RNF150: variants seen among roughly 807,000 people sequenced by gnomAD.
RNF150 encodes ring finger protein 150.
Under a neutral mutation model 39.3 loss-of-function variants are expected in RNF150, and 24 were observed. The observed-to-expected ratio is 0.61, with a 90% CI of 0.44 to 0.86. The LOEUF (loss-of-function observed/expected upper bound fraction) is 0.86, where lower values mean the gene tolerates loss of function less well. Ranked by LOEUF, RNF150 falls within the 40% of genes least tolerant of loss-of-function variation. The pLI is 0.00. For missense variants in RNF150, 502 were observed against 587.8 expected, an observed-to-expected ratio of 0.85 and a Z score of 1.51; for synonymous variants, 255 against 227.3, an observed-to-expected ratio of 1.12 and a Z score of -1.10.
chr4:140,942,036 T>C (rs1161452526), intron 4 of RNF150, among the ~76,000 whole-genome samples: 1 of 152,164 alleles, frequency 6.6e-6, no homozygotes, highest in Admixed American at 6.5e-5. Flanking sequence ...GAGTTTCATG[T>C]TGGAGGTTGA....
At chr4:141,137,050 T>C (rs975431730), upstream of RNF150, among the ~76,000 whole-genome samples, 2 of 152,170 alleles carry the variant, frequency 1.3e-5, no homozygotes, top group Non-Finnish European at 2.9e-5. Context: ...AAGTACAATC[T>C]GAGGCAAGAT....
At chr4:141,171,919 T>C (rs1169741119) in intron 1 of RNF150, among the ~76,000 whole-genome samples, 2 of 152,186 alleles carry the variant, frequency 1.3e-5, no homozygotes, top group African/African-American at 4.8e-5. Flanking sequence ...GTGCTTCTTC[T>C]CATGTGAGCG....
At chr4:140,946,357 T>C (rs1732310727) in intron 4 of RNF150, among the ~76,000 whole-genome samples, 2 of 152,244 alleles carry the variant, frequency 1.3e-5, no homozygotes, top group South Asian at 4.1e-4. Context: ...CTAAAGTAAT[T>C]TTTGTTTCTT....
intron 1 of RNF150, among the ~76,000 whole-genome samples, chr4:141,074,352 C>G (rs1046801934): frequency 6.6e-6 from 1 of 151,096 alleles, no homozygotes; most frequent in Non-Finnish European, 1.5e-5. Context: ...TGACCACAGT[C>G]AGAATGGGAA....
At chr4:141,195,739 T>C (rs1347608638) in intron 1 of RNF150, among the ~76,000 whole-genome samples, 1 of 152,168 alleles carries the variant, frequency 6.6e-6, no homozygotes, top group Non-Finnish European at 1.5e-5. Context: ...TTTAAAAAGG[T>C]TCTATTTTTA....
At chr4:141,100,917 A>C (rs1201238560) in intron 1 of RNF150, among the ~76,000 whole-genome samples, 1 of 152,212 alleles carries the variant, frequency 6.6e-6, no homozygotes, top group Non-Finnish European at 1.5e-5. Context: ...AGGTACAGTA[A>C]AAATATGCCA....
intron 1 of RNF150, among the ~76,000 whole-genome samples, chr4:141,013,773 G>A (rs186347830): frequency 5.8e-4 from 89 of 152,268 alleles, no homozygotes; most frequent in Middle Eastern, 3.4e-3. Context: ...TGGAGACAGC[G>A]TGGCATGATT....
intron 1 of RNF150, among the ~76,000 whole-genome samples, chr4:141,131,326 C>A (rs1359513693): frequency 6.6e-6 from 1 of 152,282 alleles, no homozygotes; most frequent in Non-Finnish European, 1.5e-5. Flanking sequence ...ATGCCACAGT[C>A]TCGGCCCAGA....
At chr4:140,951,864 A>G (rs1732553378) in intron 2 of RNF150, among the ~76,000 whole-genome samples, 1 of 152,144 alleles carries the variant, frequency 6.6e-6, no homozygotes, top group African/African-American at 2.4e-5. Flanking sequence ...GAACTCAGAT[A>G]TTTTTGCAAT....
At chr4:141,190,396 A>T (rs921391285) in intron 1 of RNF150, among the ~76,000 whole-genome samples, 5 of 152,194 alleles carry the variant, frequency 3.3e-5, no homozygotes, top group South Asian at 2.1e-4. Context: ...TGAAAAAGTA[A>T]GCTGCCATGT....
rs1728762997 is a variant in RNF150 at position 140,867,624 on chromosome 4, G to A, written c.*637C>T. The A allele has an allele frequency of 6.6e-6, 1 of 152,240 alleles. No individual in the cohort carries two copies. The highest frequency in any genetic ancestry group is 1.5e-5 in the Non-Finnish European group (1 of 68,106). The allele number at this position is 152,240 out of a possible 1,614,324, so 9.4% of individuals were successfully genotyped here. ...AGTGTTGGGGTCTCTGGCAGCTGGG[G>A]TTTTTAAAGGCCCACTTAGAAGAAC... is the stretch of plus-strand genomic sequence containing the variant. On this transcript the variant is annotated 3_prime_UTR_variant, in exon 7 of 7. Transcript: ENST00000515673.
chr4:140,972,062 A>G (rs1246906960), intron 1 of RNF150, among the ~76,000 whole-genome samples: 2 of 152,080 alleles, frequency 1.3e-5, no homozygotes, highest in Non-Finnish European at 2.9e-5. Flanking sequence ...CCATTTGTAG[A>G]TATTTTCTAT....
At position 140,868,370 on chromosome 4, in the gene RNF150, T is replaced by C. The variant is rs111894192; in HGVS notation, c.1208A>G (p.Glu403Gly). The C allele has an allele frequency of 6.2e-7, 1 of 1,607,794 alleles. No homozygotes were observed. Among genetic ancestry groups the C allele is most frequent in the South Asian group, 1.1e-5 (1 of 90,970 alleles). Residue 403 changes from glutamate (E) to glycine (G), a missense_variant, in exon 7 of 7, where the codon GAG becomes GGG. Physicochemically the swap from Glu to Gly is moderately conservative, Grantham distance 98. Coordinates refer to ENST00000515673, the MANE Select transcript of RNF150 (RefSeq NM_020724.2). ...DVIFTTNSEQEPAVSSDSDIS... is the reference protein window; with the variant it reads ...DVIFTTNSEQGPAVSSDSDIS... ...GTCAGAATCACTGCTTACAGCTGGC[T>C]CCTGCTCACCTGGGAGGAGAAAGCA... is the stretch of plus-strand genomic sequence containing the variant.
chr4:141,119,903 G>A lies in RNF150; in HGVS notation c.484+12422C>T, dbSNP rs557922069. ...TGCTAAGCACAAGATATAGAATCAA[G>A]TTTTTAAGCATTCAAATTAAATATT... is the stretch of plus-strand genomic sequence containing the variant. On this transcript the variant is annotated intron_variant, in intron 1 of 6. Transcript: ENST00000515673. 3.9e-5 allele frequency among the ~76,000 whole-genome samples: 6 copies of A among 152,304 alleles called. No homozygotes were observed. In the South Asian group the frequency reaches 1.2e-3, roughly 32 times the overall value.
intron 1 of RNF150, among the ~76,000 whole-genome samples, chr4:141,186,843 C>T (rs1481985791): frequency 6.6e-6 from 1 of 152,058 alleles, no homozygotes. Context: ...TTTTTCATGT[C>T]TCTATCTCCT....
intron 6 of RNF150, 128 bp downstream of exon 6, chr4:140,911,016 T>C (rs1438154187): frequency 6.7e-6 from 5 of 751,234 alleles, no homozygotes; most frequent in Non-Finnish European, 2.2e-6. Flanking sequence ...CTGGCAGTTA[T>C]AACTGATGAA....
In RNF150 at chr4:140,993,248, C is replaced by T. The variant is rs1325895014; in HGVS notation, c.485-25375G>A. On this transcript the variant is annotated intron_variant, in intron 1 of 6. Coordinates refer to ENST00000515673, the MANE Select transcript of RNF150 (RefSeq NM_020724.2). Reference sequence around the variant, plus strand: ...GGAGAACCTATGTCCTTGGCTTTTCCGGCTTCTAGAAATGGCCCACATTTC... The same window carrying T: ...GGAGAACCTATGTCCTTGGCTTTTCTGGCTTCTAGAAATGGCCCACATTTC... 5.9e-5 allele frequency among the ~76,000 whole-genome samples: 9 copies of T among 152,278 alleles called. 1 individual carries two copies. Among genetic ancestry groups the T allele is most frequent in the Admixed American group, 3.3e-4 (5 of 15,290 alleles).
rs117068365 is a variant in RNF150 at position 141,131,923 on chromosome 4, A to T, written c.484+402T>A. Among the ~76,000 whole-genome samples the T allele has an allele frequency of 1.8e-3, 273 of 152,226 alleles. 5 individuals carry two copies. In the East Asian group the frequency reaches 0.045, roughly 25 times the overall value. On this transcript the variant is annotated intron_variant, in intron 1 of 6. Coordinates refer to ENST00000515673, the MANE Select transcript of RNF150 (RefSeq NM_020724.2). ...CCTGATATAGCGCCTGCATCAGGGT[A>T]TACCTGATGCACAGACCCAAGGGCA...
intron 1 of RNF150, among the ~76,000 whole-genome samples, chr4:141,095,769 C>T (rs1738749307): frequency 6.6e-6 from 1 of 152,058 alleles, no homozygotes; most frequent in Non-Finnish European, 1.5e-5. Flanking sequence ...TATTTAAAAA[C>T]TTCAAGATAG....
Sources: gnomAD v4.1 joint callset for allele counts (sites outside exome capture counted in the v4.1 genomes callset) on GRCh38, gnomAD v4.1.1 for gene constraint, MANE v1.5 for transcripts, NCBI Gene and HGNC (gene_info 2026-07-23, HGNC 2026-07-21) for gene names.